ZC3H13: variants seen among roughly 807,000 people sequenced by gnomAD.
ZC3H13 encodes zinc finger CCCH-type containing 13.
Under a neutral mutation model 204.1 loss-of-function variants are expected in ZC3H13, and 64 were observed. The observed-to-expected ratio is 0.31, with a 90% CI of 0.26 to 0.39. The LOEUF is 0.39. Among genes scored for constraint, ZC3H13 ranks in the 10% least tolerant of loss-of-function variants. The pLI is 1.00. For synonymous variants in ZC3H13, 667 were observed against 693.7 expected (o/e 0.96, Z 0.60); for missense variants, 1,833 against 2,082.7 (o/e 0.88, Z 2.33).
At chr13:46,034,426 C>T (rs2043088290) in intron 4 of ZC3H13, among the ~76,000 whole-genome samples, 1 of 152,072 alleles carries the variant, frequency 6.6e-6, no homozygotes, top group Admixed American at 6.6e-5. Context: ...TTTGATATAT[C>T]CATCTAATAG....
chr13:46,050,924 C>A (rs750711675), intron 1 of ZC3H13, among the ~76,000 whole-genome samples: 1 of 152,098 alleles, frequency 6.6e-6, no homozygotes, highest in Non-Finnish European at 1.5e-5. Flanking sequence ...ATAAAAGACT[C>A]TTTCTATATC....
intron 18 of ZC3H13, among the ~76,000 whole-genome samples, chr13:45,958,845 A>G (rs1278668655): frequency 6.6e-6 from 1 of 151,882 alleles, no homozygotes. Flanking sequence ...TAGTAGAGAC[A>G]GGGTTTCATT....
chr13:46,035,069 C>T (rs1208913144), intron 4 of ZC3H13, among the ~76,000 whole-genome samples: 1 of 152,194 alleles, frequency 6.6e-6, no homozygotes, highest in Non-Finnish European at 1.5e-5. Flanking sequence ...GGCACAAGCA[C>T]ATGCTCATTC....
chr13:46,043,038 T>G (rs1351597417), intron 3 of ZC3H13, among the ~76,000 whole-genome samples: 2 of 151,954 alleles, frequency 1.3e-5, no homozygotes, highest in Non-Finnish European at 2.9e-5. Context: ...TGCAATTATT[T>G]TCACTATCAG....
intron 5 of ZC3H13, among the ~76,000 whole-genome samples, chr13:46,014,439 T>C (rs768844075): frequency 6.6e-6 from 1 of 152,156 alleles, no homozygotes; most frequent in African/African-American, 2.4e-5. Flanking sequence ...TGTATAAAAA[T>C]AATCATAGAT....
intron 4 of ZC3H13, among the ~76,000 whole-genome samples, chr13:46,025,943 T>C (rs903110025): frequency 6.6e-6 from 1 of 152,040 alleles, no homozygotes; most frequent in Non-Finnish European, 1.5e-5. Context: ...TTGTTGTGCT[T>C]TGGCCTGAAC....
chr13:46,024,508 ATT>A (rs1188929233), intron 4 of ZC3H13, among the ~76,000 whole-genome samples: 2 of 152,028 alleles, frequency 1.3e-5, no homozygotes, highest in East Asian at 3.9e-4. Context: ...TTTAGCTTCC[ATT>A]GTTTGTTACT....
Position 46,029,723 on chromosome 13 carries a change from C to T in ZC3H13, c.340-9166G>A, listed in dbSNP as rs375969019. On this transcript the variant is annotated intron_variant, in intron 4 of 18. Transcript: ENST00000679008. ...GATTACAGGCGTGAGCCACCGCGCC[C>T]GGCCGAGATGGACTACTTCTTAACT... 8.5e-5 allele frequency among the ~76,000 whole-genome samples: 13 copies of T among 152,150 alleles called. No homozygotes were observed. The East Asian group carries it at 9.7e-4, about 11-fold the overall frequency.
chr13:46,026,729 C>T (rs1329708662), intron 4 of ZC3H13, among the ~76,000 whole-genome samples: 2 of 152,042 alleles, frequency 1.3e-5, no homozygotes, highest in African/African-American at 2.4e-5. Context: ...GAATCCAAAT[C>T]TAAAGAGGAG....
intron 8 of ZC3H13, among the ~76,000 whole-genome samples, chr13:45,998,741 C>A (rs1330251365): frequency 1.3e-5 from 2 of 152,078 alleles, no homozygotes; most frequent in Non-Finnish European, 2.9e-5. Context: ...AGAGTTTTAA[C>A]CGTTTTGTGG....
At chr13:46,029,520 C>T (rs767295235) in intron 4 of ZC3H13, among the ~76,000 whole-genome samples, 2 of 150,808 alleles carry the variant, frequency 1.3e-5, no homozygotes, top group African/African-American at 4.9e-5. Context: ...GCTCCGCCTC[C>T]CGGGTTCACG....
intron 12 of ZC3H13, among the ~76,000 whole-genome samples, chr13:45,972,306 C>A (rs1180134051): frequency 6.6e-6 from 1 of 151,944 alleles, no homozygotes; most frequent in East Asian, 1.9e-4. Flanking sequence ...CACCATGAAA[C>A]CATGGACTAC....
At position 46,024,062 on chromosome 13, in the gene ZC3H13, G is replaced by A. The variant is rs560645246; in HGVS notation, c.340-3505C>T. Reference sequence around the variant, plus strand: ...GAATGGGATTATTCTAACTGGATTCGACTAATCAAGGCCCAGCCATGAAAG... The same window carrying A: ...GAATGGGATTATTCTAACTGGATTCAACTAATCAAGGCCCAGCCATGAAAG... On this transcript the variant is annotated intron_variant, in intron 4 of 18. Coordinates refer to ENST00000679008, the MANE Select transcript of ZC3H13 (RefSeq NM_001330564.2). Among the ~76,000 whole-genome samples the A allele has an allele frequency of 1.4e-4, 21 of 152,218 alleles. No homozygotes were observed. The South Asian group carries it at 1.7e-3, about 12-fold the overall frequency.
chr13:46,016,605 C>T (rs2138747031), intron 5 of ZC3H13, among the ~76,000 whole-genome samples: 1 of 152,080 alleles, frequency 6.6e-6, no homozygotes, highest in Non-Finnish European at 1.5e-5. Context: ...TAGAAGAAAA[C>T]ACAAGGGGAC....
Position 45,975,536 on chromosome 13 carries a change from T to C in ZC3H13, c.2215A>G (p.Arg739Gly). ...RDRDHDRERE[R>G]ERERDREKER... ...TTTTCCCTGTCTCGTTCCCTCTCTC[T>C]TTCCCGCTCTCGATCGTGGTCTCGG... The change falls in exon 12 of 19, where the codon AGA becomes GGA. Residue 739 changes from arginine (R) to glycine (G), a missense_variant. This residue lies in a region of ZC3H13 where 1,574 missense variants were observed against 1,757.2 expected (regional missense o/e 0.90). Coordinates refer to ENST00000679008, the MANE Select transcript of ZC3H13 (RefSeq NM_001330564.2). The C allele has an allele frequency of 1.2e-6, 2 of 1,601,328 alleles. No homozygotes were observed. The highest frequency in any genetic ancestry group is 8.5e-7 in the Non-Finnish European group (1 of 1,173,922).
chr13:46,049,311 CACAT>C (rs2044236584), intron 1 of ZC3H13, among the ~76,000 whole-genome samples: 1 of 151,528 alleles, frequency 6.6e-6, no homozygotes, highest in Non-Finnish European at 1.5e-5. Context: ...AATACACACA[CACAT>C]ATTCTTAATA....
chr13:45,973,139 T>TTA (rs1475928668), intron 12 of ZC3H13, among the ~76,000 whole-genome samples: 2 of 152,226 alleles, frequency 1.3e-5, no homozygotes, highest in South Asian at 2.1e-4. Context: ...TGGTGATGTG[T>TTA]TATATATCAA....
intron 5 of ZC3H13, among the ~76,000 whole-genome samples, chr13:46,017,844 T>C (rs932653962): frequency 6.6e-6 from 1 of 152,084 alleles, no homozygotes; most frequent in Non-Finnish European, 1.5e-5. Flanking sequence ...CAATATTCCC[T>C]CAACAGATAC....
At position 45,980,143 on chromosome 13, in the gene ZC3H13, T is replaced by C. The variant is rs541215576; in HGVS notation, c.1721-139A>G. 48 of 732,160 alleles carry C rather than the reference T, an allele frequency of 6.6e-5. 2 individuals are homozygous for C. In the South Asian group the frequency reaches 1.6e-3, roughly 24 times the overall value. 45.4% of individuals were successfully genotyped at this position (732,160 alleles called of 1,614,324 possible). On this transcript the variant is annotated intron_variant, in intron 10 of 18. Coordinates refer to ENST00000679008, the MANE Select transcript of ZC3H13 (RefSeq NM_001330564.2). ...GTGTGGTAATCACTCCTGAAAAGAG[T>C]ATCAAGCAATGAATCAGAACAACCA...
Sources: allele counts gnomAD v4.1 joint callset (sites outside exome capture counted in the v4.1 genomes callset), GRCh38; gene constraint gnomAD v4.1.1; regional missense constraint gnomAD v4.1.1; transcripts MANE v1.5; gene names NCBI Gene and HGNC (gene_info 2026-07-23, HGNC 2026-07-21).